The following PAPOLG variants were observed in gnomAD, a reference collection of about 807,000 sequenced individuals.
PAPOLG encodes the protein poly(A) polymerase gamma.
In PAPOLG, 40 loss-of-function variants were observed where a neutral mutation model predicts 99.0. That is an observed-to-expected ratio of 0.40 (90% CI 0.31 to 0.53). The LOEUF (loss-of-function observed/expected upper bound fraction) is 0.53, where lower values mean the gene tolerates loss of function less well. Ranked by LOEUF, PAPOLG falls within the 20% of genes least tolerant of loss-of-function variation. The probability of loss-of-function intolerance (pLI) is 0.41; values close to 1 mark genes in which losing one functional copy is unlikely to be tolerated. For synonymous variants in PAPOLG, 310 were observed against 299.3 expected (o/e 1.04, Z -0.37); for missense variants, 675 against 884.1 (o/e 0.76, Z 3.00).
intron 7 of PAPOLG, among the ~76,000 whole-genome samples, chr2:60,771,846 G>A (rs1384532693): frequency 6.6e-6 from 1 of 152,062 alleles, no homozygotes; most frequent in Admixed American, 6.5e-5. Flanking sequence ...CAAACTTACT[G>A]GTCTCAAGAC....
At chr2:60,771,170 T>C (rs1670841528) in intron 6 of PAPOLG, among the ~76,000 whole-genome samples, 1 of 152,192 alleles carries the variant, frequency 6.6e-6, no homozygotes, top group Non-Finnish European at 1.5e-5. Context: ...AACACAAAAA[T>C]AAAATTGAAT....
At chr2:60,768,406 T>C (rs1435927232) in intron 3 of PAPOLG, 64 bp from the exon 4 acceptor site, 7 of 1,548,600 alleles carry the variant, frequency 4.5e-6, no homozygotes, top group African/African-American at 2.7e-5. Flanking sequence ...CCAGCCAACA[T>C]TGAGGTGACT....
intron 3 of PAPOLG, among the ~76,000 whole-genome samples, chr2:60,767,306 T>C (rs1243058477): frequency 2.0e-5 from 3 of 152,048 alleles, no homozygotes; most frequent in Non-Finnish European, 4.4e-5. Context: ...TGGAACTAGC[T>C]CTCAAGAGGT....
At chr2:60,762,599 GT>G (rs1419995581) in intron 3 of PAPOLG, among the ~76,000 whole-genome samples, 67 of 151,694 alleles carry the variant, frequency 4.4e-4, no homozygotes, top group Admixed American at 3.3e-4. Flanking sequence ...AGTTGTCACT[GT>G]AATTTTTTTT....
intron 3 of PAPOLG, among the ~76,000 whole-genome samples, chr2:60,762,815 C>T (rs1367186068): frequency 1.3e-5 from 2 of 151,770 alleles, no homozygotes; most frequent in African/African-American, 2.4e-5. Flanking sequence ...TTAGTAGAGA[C>T]GTGGTTTCAT....
chr2:60,784,086 C>T (rs899685701), intron 13 of PAPOLG, among the ~76,000 whole-genome samples: 9 of 152,342 alleles, frequency 5.9e-5, no homozygotes, highest in African/African-American at 2.2e-4. Context: ...CAATTCTCTG[C>T]CTCAGCCTCC....
At chr2:60,788,339 A>T (rs1197457212) in intron 15 of PAPOLG, among the ~76,000 whole-genome samples, 1 of 152,080 alleles carries the variant, frequency 6.6e-6, no homozygotes, top group African/African-American at 2.4e-5. Context: ...TTTTGTTTTA[A>T]GAGACAGAGT....
chr2:60,757,228 GCACACACGCA>G (rs1235891615), intron 1 of PAPOLG, among the ~76,000 whole-genome samples: 1 of 152,122 alleles, frequency 6.6e-6, no homozygotes, highest in South Asian at 2.1e-4. Flanking sequence ...ACACGTACAT[GCACACACGCA>G]CACACACGGT....
intron 8 of PAPOLG, among the ~76,000 whole-genome samples, chr2:60,778,495 G>A (rs13027673): frequency 0.13 from 19,515 of 151,976 alleles, 1,683 homozygotes; most frequent in Middle Eastern, 0.2. Context: ...ACAGTTAAAG[G>A]TTTCTTTTCG....
At chr2:60,777,254 G>A (rs184701848) in intron 8 of PAPOLG, among the ~76,000 whole-genome samples, 17 of 152,164 alleles carry the variant, frequency 1.1e-4, no homozygotes, top group Non-Finnish European at 1.9e-4. Flanking sequence ...AGGAGAGTTC[G>A]AGATCAGCCT....
rs1180461076 is a variant in PAPOLG at position 60,799,955 on chromosome 2, A to G, written c.*2795A>G. The G allele has an allele frequency of 6.6e-6, 1 of 152,282 alleles. No individual in the cohort carries two copies. Among genetic ancestry groups the G allele is most frequent in the Non-Finnish European group, 1.5e-5 (1 of 68,024 alleles). The allele number at this position is 152,282 out of a possible 1,614,324, so 9.4% of individuals were successfully genotyped here. A position where few individuals can be genotyped will look rare whatever the true frequency, so the allele number is the denominator to read the frequency against. ...TGTTTTCAAGTGTGAAAAAATACCTAGAAGTATATTTTATGAAGTCAAATA... is the reference window on the plus strand; with the variant it reads ...TGTTTTCAAGTGTGAAAAAATACCTGGAAGTATATTTTATGAAGTCAAATA... On this transcript the variant is annotated 3_prime_UTR_variant, in exon 22 of 22. Coordinates refer to ENST00000238714, the MANE Select transcript of PAPOLG (RefSeq NM_022894.4).
At chr2:60,789,318 A>G (rs1573252198) in intron 15 of PAPOLG, among the ~76,000 whole-genome samples, 1 of 151,980 alleles carries the variant, frequency 6.6e-6, no homozygotes, top group Admixed American at 6.6e-5. Context: ...CCTAAAACTT[A>G]AAAGTATAAT....
chr2:60,763,528 G>C (rs962553360), intron 3 of PAPOLG, among the ~76,000 whole-genome samples: 5 of 152,054 alleles, frequency 3.3e-5, no homozygotes, highest in Admixed American at 6.6e-5. Flanking sequence ...TTTTGAGATA[G>C]AATCTTGCTC....
Position 60,797,321 on chromosome 2 carries a change from C to A in PAPOLG, c.*161C>A. 1 of 789,562 alleles carries A rather than the reference C, an allele frequency of 1.3e-6. No homozygotes were observed. The highest frequency in any genetic ancestry group is 2.0e-6 in the Non-Finnish European group (1 of 497,476). The allele number at this position is 789,562 out of a possible 1,614,324, so 48.9% of individuals were successfully genotyped here. A position where few individuals can be genotyped will look rare whatever the true frequency, so the allele number is the denominator to read the frequency against. ...TGGTTTTTGAACTGTCAAACTTTGA[C>A]CTGTAGATGCTGTAGCATTCTCTCA... On this transcript the variant is annotated 3_prime_UTR_variant, in exon 22 of 22. Transcript: ENST00000238714.
chr2:60,792,106 C>A, intron 16 of PAPOLG, 23 bp from the exon 17 acceptor site: 1 of 1,564,284 alleles, frequency 6.4e-7, no homozygotes, highest in Non-Finnish European at 8.6e-7. Context: ...TTTTGAAATC[C>A]TAAAATCGTT....
At chr2:60,793,887 G>T in intron 18 of PAPOLG, 84 bp from the exon 19 acceptor site, 1 of 1,463,078 alleles carries the variant, frequency 6.8e-7, no homozygotes, top group Non-Finnish European at 9.3e-7. Context: ...CTGCAGCCTG[G>T]GTGATGGGAA....
rs1368985956 is a variant in PAPOLG, at chr2:60,793,547, G to C, written c.1680-80G>C. 12 of 1,517,370 alleles carry C rather than the reference G, an allele frequency of 7.9e-6. No homozygotes were observed. The East Asian group carries it at 2.7e-4, about 34-fold the overall frequency. 94.0% of individuals were successfully genotyped at this position (1,517,370 alleles called of 1,614,324 possible). A position where few individuals can be genotyped will look rare whatever the true frequency, so the allele number is the denominator to read the frequency against. ...CCACTGCACTCCAACTTGGGCAGTA[G>C]AATGAGGCCTTTTCTCAAAAAAGGA... On this transcript the variant is annotated intron_variant, in intron 17 of 21. Transcript: ENST00000238714.
chr2:60,789,161 A>G (rs912912548), intron 15 of PAPOLG, among the ~76,000 whole-genome samples: 12 of 146,904 alleles, frequency 8.2e-5, no homozygotes, highest in African/African-American at 2.8e-4. Context: ...GGAACATCAC[A>G]CTCTGGGGAC....
intron 15 of PAPOLG, among the ~76,000 whole-genome samples, chr2:60,790,351 C>T (rs1424430473): frequency 6.6e-6 from 1 of 151,966 alleles, no homozygotes; most frequent in Non-Finnish European, 1.5e-5. Flanking sequence ...ACTTGAGGCC[C>T]CAAGAGATTA....
Sources: allele counts gnomAD v4.1 joint callset (sites outside exome capture counted in the v4.1 genomes callset), GRCh38; gene constraint gnomAD v4.1.1; transcripts MANE v1.5; gene names NCBI Gene and HGNC (gene_info 2026-07-23, HGNC 2026-07-21).